Variants in AHI1 observed in about 807,000 individuals in gnomAD.
AHI1 encodes the protein Abelson helper integration site 1, also known as jouberin.
A neutral mutation model predicts 149.3 loss-of-function variants in AHI1; 123 were observed. That is an observed-to-expected ratio of 0.82 (90% CI 0.71 to 0.96). The LOEUF (loss-of-function observed/expected upper bound fraction) is 0.96. AHI1 is among the 40% of genes least tolerant of loss of function. The pLI is 0.00. For synonymous variants in AHI1, 475 were observed against 459.8 expected, an observed-to-expected ratio of 1.03 and a Z score of -0.42; for missense variants, 1,439 against 1,422.7, an observed-to-expected ratio of 1.01 and a Z score of -0.18.
chr6:135,452,645 G>T (rs567722918), intron 11 of AHI1, among the ~76,000 whole-genome samples: 1 of 152,052 alleles, frequency 6.6e-6, no homozygotes, highest in Non-Finnish European at 1.5e-5. Context: ...GCTTCCTCTT[G>T]CTATAATGAC....
chr6:135,317,035 T>G (rs891401572), intron 26 of AHI1, among the ~76,000 whole-genome samples: 1 of 152,202 alleles, frequency 6.6e-6, no homozygotes, highest in Admixed American at 6.5e-5. Context: ...CCAACTTCAC[T>G]AATAAAATCC....
intron 27 of AHI1, among the ~76,000 whole-genome samples, chr6:135,294,713 A>AG (rs912171423): frequency 1.3e-5 from 2 of 150,328 alleles, no homozygotes; most frequent in Non-Finnish European, 3.0e-5. Flanking sequence ...AAAAAAAAAA[A>AG]AAAAGAAAAA....
At chr6:135,428,486 A>T (rs923114313) in intron 19 of AHI1, 143 bp downstream of exon 19, 40 of 1,008,306 alleles carry the variant, frequency 4.0e-5, no homozygotes, top group Non-Finnish European at 5.3e-5. Flanking sequence ...GTTCCTTTAA[A>T]GGCTTTCTAA....
intron 24 of AHI1, among the ~76,000 whole-genome samples, chr6:135,331,750 C>G (rs1394746663): frequency 6.6e-6 from 1 of 152,176 alleles, no homozygotes; most frequent in African/African-American, 2.4e-5. Flanking sequence ...TTTCCTTCAG[C>G]CCTACTTCAA....
At chr6:135,340,677 A>G (rs1026237776) in intron 24 of AHI1, among the ~76,000 whole-genome samples, 2 of 131,140 alleles carry the variant, frequency 1.5e-5, no homozygotes, top group Non-Finnish European at 3.3e-5. Flanking sequence ...ATATATATAT[A>G]TATATATATA....
chr6:135,454,567 T>C (rs981474672), intron 10 of AHI1, among the ~76,000 whole-genome samples: 1 of 151,878 alleles, frequency 6.6e-6, no homozygotes, highest in Non-Finnish European at 1.5e-5. Context: ...TACCTAAGAG[T>C]AAAATAATGG....
intron 13 of AHI1, among the ~76,000 whole-genome samples, chr6:135,446,754 T>C (rs532465552): frequency 1.0e-3 from 155 of 152,260 alleles, no homozygotes; most frequent in African/African-American, 3.4e-3. Flanking sequence ...ACCCAGTCAG[T>C]GGTATTTTGT....
chr6:135,477,413 T>C (rs1467841108), intron 5 of AHI1, among the ~76,000 whole-genome samples: 1 of 152,222 alleles, frequency 6.6e-6, no homozygotes, highest in Non-Finnish European at 1.5e-5. Flanking sequence ...GCTTTTTAGC[T>C]ATCCTTTTAA....
intron 24 of AHI1, among the ~76,000 whole-genome samples, chr6:135,353,892 T>C (rs990981888): frequency 3.9e-5 from 6 of 152,114 alleles, no homozygotes; most frequent in African/African-American, 1.4e-4. Context: ...GAAAGGTAAC[T>C]GCAGAAGGAA....
At chr6:135,357,272 C>A (rs1793139106) in intron 24 of AHI1, among the ~76,000 whole-genome samples, 1 of 152,034 alleles carries the variant, frequency 6.6e-6, no homozygotes, top group African/African-American at 2.4e-5. Context: ...TTTGACTATC[C>A]CTAATCCAAA....
intron 7 of AHI1, among the ~76,000 whole-genome samples, chr6:135,464,652 T>C (rs191060883): frequency 1.4e-4 from 22 of 152,342 alleles, no homozygotes; most frequent in Admixed American, 1.4e-3. Flanking sequence ...CAAGTGGCCA[T>C]GTTGTGTGTA....
intron 26 of AHI1, among the ~76,000 whole-genome samples, chr6:135,304,809 T>C (rs1448011516): frequency 6.6e-6 from 1 of 152,238 alleles, no homozygotes; most frequent in South Asian, 2.1e-4. Context: ...TTTGTAGTTT[T>C]GGATACTAAT....
chr6:135,322,158 C>T (rs1786949622), intron 25 of AHI1, among the ~76,000 whole-genome samples: 1 of 152,174 alleles, frequency 6.6e-6, no homozygotes, highest in Non-Finnish European at 1.5e-5. Flanking sequence ...AGAAGAAAAG[C>T]TTACAGATAA....
chr6:135,301,817 C>CG (rs751988858), intron 26 of AHI1: 10 of 985,324 alleles, frequency 1.0e-5, no homozygotes, highest in Non-Finnish European at 1.1e-5. Context: ...TACATACACA[C>CG]GGGAAATTTC....
chr6:135,302,760 G>C (rs1399536466), intron 26 of AHI1: 14 of 1,288,128 alleles, frequency 1.1e-5, no homozygotes, highest in Non-Finnish European at 1.4e-5. Context: ...GTTACTCATG[G>C]AGGCAGAAGC....
chr6:135,487,127 C>G (rs1794590157), intron 5 of AHI1, among the ~76,000 whole-genome samples: 1 of 151,982 alleles, frequency 6.6e-6, no homozygotes, highest in Non-Finnish European at 1.5e-5. Flanking sequence ...AAACTATTTA[C>G]ATTTATTGTC....
chr6:135,438,529 A>C, intron 14 of AHI1, 31 bp from the exon 15 acceptor site: 1 of 1,505,948 alleles, frequency 6.6e-7, no homozygotes, highest in Non-Finnish European at 9.0e-7. Context: ...TTAGGTTTCC[A>C]GACAGAAGAT....
chr6:135,493,147 C>T (rs1161428966), intron 3 of AHI1: 9 of 172,444 alleles, frequency 5.2e-5, no homozygotes, highest in African/African-American at 9.6e-5. Flanking sequence ...TACAGGTGTG[C>T]GCCACCACAC....
chr6:135,363,273 G>A (rs1044257193), intron 23 of AHI1, among the ~76,000 whole-genome samples: 71 of 150,638 alleles, frequency 4.7e-4, no homozygotes, highest in African/African-American at 1.7e-3. Flanking sequence ...CTGCCTTCAA[G>A]CATCTGTTTA....
Sources: allele counts gnomAD v4.1 joint callset (sites outside exome capture counted in the v4.1 genomes callset), GRCh38; gene constraint gnomAD v4.1.1; transcripts MANE v1.5; gene names NCBI Gene and HGNC (gene_info 2026-07-23, HGNC 2026-07-21).